The following MPZL1 variants were observed in gnomAD, a reference collection of about 807,000 sequenced individuals.
MPZL1 encodes myelin protein zero-like protein 1.
MPZL1 carries 16 observed loss-of-function variants against 29.3 expected under a neutral mutation model. The ratio of observed to expected loss-of-function variants is 0.55; its 90% CI spans 0.37 to 0.83. The LOEUF (loss-of-function observed/expected upper bound fraction) is 0.83, where lower values mean the gene tolerates loss of function less well. MPZL1 is among the 40% of genes least tolerant of loss of function. MPZL1 has a pLI of 0.00. For synonymous variants in MPZL1, 143 were observed against 132.0 expected, an observed-to-expected ratio of 1.08 and a Z score of -0.57; for missense variants, 279 against 332.9, an observed-to-expected ratio of 0.84 and a Z score of 1.26.
rs146657374 is a variant in MPZL1 at position 167,728,309 on chromosome 1, G to A, written c.91+6067G>A. Among the ~76,000 whole-genome samples, 684 of 150,424 alleles carry A rather than the reference G, an allele frequency of 4.5e-3. 11 individuals carry two copies. The highest frequency in any genetic ancestry group is 0.014 in the East Asian group (73 of 5,132). On this transcript the variant is annotated intron_variant, in intron 1 of 5. Transcript: ENST00000359523. ...CACCCAAAGTGCTGGGATTACAGGC[G>A]TGAGCCACCGTGCCCTGCCCAAATT...
At chr1:167,739,282 C>CATATAT (rs71959233) in intron 1 of MPZL1, among the ~76,000 whole-genome samples, 1,548 of 90,322 alleles carry the variant, frequency 0.017, 31 homozygotes, top group African/African-American at 0.029. Flanking sequence ...TACATATATA[C>CATATAT]ATATATATAT....
chr1:167,722,785 AAG>A (rs1660064867), intron 1 of MPZL1, among the ~76,000 whole-genome samples: 2 of 152,300 alleles, frequency 1.3e-5, no homozygotes, highest in South Asian at 4.1e-4. Flanking sequence ...TCCGTAATAA[AAG>A]AGTCTCATTT....
chr1:167,754,148 C>A (rs904164877), intron 1 of MPZL1, among the ~76,000 whole-genome samples: 7 of 151,874 alleles, frequency 4.6e-5, no homozygotes, highest in African/African-American at 1.7e-4. Context: ...CAGGTGTGCG[C>A]CATGAGGCTC....
chr1:167,764,203 T>C (rs1002096108), intron 1 of MPZL1, among the ~76,000 whole-genome samples: 8 of 152,226 alleles, frequency 5.3e-5, no homozygotes, highest in African/African-American at 1.9e-4. Context: ...TTTCTGACTT[T>C]CATTTTGTCT....
chr1:167,749,680 T>C (rs776063836), intron 1 of MPZL1, among the ~76,000 whole-genome samples: 27 of 152,244 alleles, frequency 1.8e-4, no homozygotes, highest in Non-Finnish European at 2.9e-4. Context: ...AACTTCAGAA[T>C]TGTTTAAATT....
intron 1 of MPZL1, among the ~76,000 whole-genome samples, chr1:167,750,215 T>C (rs78018027): frequency 6.6e-6 from 1 of 152,172 alleles, no homozygotes. Flanking sequence ...TCTTTTCTTT[T>C]TTGAGACGGA....
intron 1 of MPZL1, among the ~76,000 whole-genome samples, chr1:167,756,312 C>T (rs1027150381): frequency 1.3e-5 from 2 of 151,862 alleles, no homozygotes; most frequent in Non-Finnish European, 2.9e-5. Flanking sequence ...CTATGCCCAG[C>T]TAATATTTTT....
chr1:167,771,802 C>A (rs576007504), intron 2 of MPZL1, among the ~76,000 whole-genome samples: 2 of 151,710 alleles, frequency 1.3e-5, no homozygotes, highest in African/African-American at 2.4e-5. Flanking sequence ...TGCAGCGAGC[C>A]GAGATCACAC....
chr1:167,743,398 G>A (rs149086432), intron 1 of MPZL1, among the ~76,000 whole-genome samples: 26,989 of 151,652 alleles, frequency 0.18, 2,711 homozygotes, highest in East Asian at 0.35. Context: ...AGTAGAGACG[G>A]GGTTTCACCA....
chr1:167,741,709 C>T (rs1660531026), intron 1 of MPZL1, among the ~76,000 whole-genome samples: 1 of 152,200 alleles, frequency 6.6e-6, no homozygotes, highest in South Asian at 2.1e-4. Flanking sequence ...AACTATTTTA[C>T]ATCAGGTGCT....
chr1:167,739,296 T>TATAC (rs1553254309), intron 1 of MPZL1, among the ~76,000 whole-genome samples: 35 of 113,576 alleles, frequency 3.1e-4, no homozygotes, highest in African/African-American at 1.8e-3. Context: ...TATATATATA[T>TATAC]ATATATATAT....
chr1:167,735,564 C>T (rs1660360748), intron 1 of MPZL1, among the ~76,000 whole-genome samples: 1 of 151,950 alleles, frequency 6.6e-6, no homozygotes, highest in Admixed American at 6.6e-5. Context: ...ATCTTGCTGG[C>T]ATAGATAGAT....
chr1:167,781,154 T>G (rs1251076081), intron 5 of MPZL1, among the ~76,000 whole-genome samples: 1 of 152,160 alleles, frequency 6.6e-6, no homozygotes, highest in Non-Finnish European at 1.5e-5. Context: ...TTCACAATCA[T>G]AGTTGGAGGT....
intron 1 of MPZL1, among the ~76,000 whole-genome samples, chr1:167,763,106 G>C (rs1661021763): frequency 6.6e-6 from 1 of 152,020 alleles, no homozygotes; most frequent in Non-Finnish European, 1.5e-5. Flanking sequence ...TAGTCTTTTT[G>C]CTCAAAATTC....
At chr1:167,771,051 G>C (rs1661234678) in intron 2 of MPZL1, among the ~76,000 whole-genome samples, 1 of 151,272 alleles carries the variant, frequency 6.6e-6, no homozygotes, top group African/African-American at 2.4e-5. Context: ...TCTCGGAGAG[G>C]GGGATGTGGC....
chr1:167,765,974 C>T (rs1661107446), intron 2 of MPZL1: 1 of 330,806 alleles, frequency 3.0e-6, no homozygotes, highest in Non-Finnish European at 5.4e-6. Flanking sequence ...CATCAAATCC[C>T]ATTCTGAAAT....
chr1:167,787,842 T>TA lies in MPZL1; in HGVS notation c.732dup (p.Asp245ArgfsTer9). 5 of 1,613,806 alleles carry TA rather than the reference T, an allele frequency of 3.1e-6. No homozygotes were observed. Among genetic ancestry groups the TA allele is most frequent in the Non-Finnish European group, 2.5e-6 (3 of 1,179,678 alleles). On this transcript the variant is annotated frameshift_variant, in exon 6 of 6. Transcript: ENST00000359523. LOFTEE classifies it high-confidence loss of function. ...CAGGGCCCAGTCATATATGCACAGT[T>TA]AGACCACTCCGGCGGACATCACAGT...
At chr1:167,738,149 C>T (rs1283493789) in intron 1 of MPZL1, among the ~76,000 whole-genome samples, 1 of 152,146 alleles carries the variant, frequency 6.6e-6, no homozygotes, top group Non-Finnish European at 1.5e-5. Flanking sequence ...TGGTCTCAAT[C>T]TCCTGACCTC....
intron 5 of MPZL1, chr1:167,786,967 T>TC (rs1167284943): frequency 6.6e-6 from 1 of 152,104 alleles, no homozygotes; most frequent in Non-Finnish European, 1.5e-5. Context: ...TCTGACCTCT[T>TC]CCCCCAACAG....
Sources: gnomAD v4.1 joint callset for allele counts (sites outside exome capture counted in the v4.1 genomes callset) on GRCh38, gnomAD v4.1.1 for gene constraint, MANE v1.5 for transcripts, NCBI Gene and HGNC (gene_info 2026-07-23, HGNC 2026-07-21) for gene names.